Variants in SMYD3 observed in about 807,000 individuals in gnomAD.
SMYD3 encodes SET and MYND domain containing 3.
SMYD3 carries 36 observed loss-of-function variants against 57.7 expected under a neutral mutation model. That is an observed-to-expected ratio of 0.62 (90% confidence interval 0.48 to 0.82). The LOEUF is 0.82. SMYD3 is among the 40% of genes least tolerant of loss of function. The pLI is 0.00. For synonymous variants in SMYD3, 211 were observed against 195.0 expected (o/e 1.08, Z -0.68); for missense variants, 515 against 538.8 (o/e 0.96, Z 0.44).
At chr1:246,478,414 T>C (rs4654263) in intron 1 of SMYD3, among the ~76,000 whole-genome samples, 3,911 of 114,170 alleles carry the variant, frequency 0.034, 111 homozygotes, top group African/African-American at 0.08. Context: ...ACCTGTCCTC[T>C]GTCCTGGAGC....
At chr1:246,260,901 C>G (rs950689655) in intron 5 of SMYD3, among the ~76,000 whole-genome samples, 4 of 152,262 alleles carry the variant, frequency 2.6e-5, no homozygotes, top group South Asian at 2.1e-4. Flanking sequence ...ATAAAGGAAA[C>G]AGCTTGTAGA....
At chr1:246,143,322 C>T (rs540898281) in intron 5 of SMYD3, among the ~76,000 whole-genome samples, 127 of 152,294 alleles carry the variant, frequency 8.3e-4, no homozygotes, top group Non-Finnish European at 1.5e-3. Flanking sequence ...AGTGTCCTTG[C>T]AGTCTTGGGT....
chr1:246,449,512 G>A (rs572736356), intron 1 of SMYD3, among the ~76,000 whole-genome samples: 1 of 152,244 alleles, frequency 6.6e-6, no homozygotes, highest in South Asian at 2.1e-4. Context: ...GGAAGACCTG[G>A]GTTTGGAAAT....
At chr1:246,414,030 T>G (rs1179673163) in intron 1 of SMYD3, among the ~76,000 whole-genome samples, 1 of 152,236 alleles carries the variant, frequency 6.6e-6, no homozygotes, top group Non-Finnish European at 1.5e-5. Flanking sequence ...TTCCCCAAAA[T>G]TTCTGTCTGT....
intron 5 of SMYD3, among the ~76,000 whole-genome samples, chr1:246,212,559 T>A (rs2063106973): frequency 1.3e-5 from 2 of 151,556 alleles, no homozygotes; most frequent in East Asian, 3.9e-4. Context: ...TTTTTTGTAT[T>A]GACTGTCTAC....
intron 5 of SMYD3, among the ~76,000 whole-genome samples, chr1:246,243,676 A>G (rs866915361): frequency 2.0e-5 from 3 of 151,934 alleles, no homozygotes; most frequent in African/African-American, 7.2e-5. Flanking sequence ...GGCTAAATCT[A>G]TTCTATTTGT....
chr1:246,373,159 T>C (rs1017805553), intron 1 of SMYD3, among the ~76,000 whole-genome samples: 3 of 152,180 alleles, frequency 2.0e-5, no homozygotes, highest in Non-Finnish European at 4.4e-5. Context: ...CTTTAAATGA[T>C]ACGAATTGGG....
intron 5 of SMYD3, among the ~76,000 whole-genome samples, chr1:246,099,054 C>T (rs560015647): frequency 2.0e-4 from 30 of 152,272 alleles, no homozygotes; most frequent in Admixed American, 1.9e-3. Context: ...TTAAATAATG[C>T]TAGAGACCTA....
chr1:246,370,557 C>G (rs1298597606), intron 1 of SMYD3, among the ~76,000 whole-genome samples: 1 of 152,172 alleles, frequency 6.6e-6, no homozygotes, highest in South Asian at 2.1e-4. Flanking sequence ...GACTTACTCA[C>G]GGGACTGCAA....
At chr1:246,260,799 CTGAGGCATGCTACAAGCCTCT>C (rs2063993049) in intron 5 of SMYD3, among the ~76,000 whole-genome samples, 1 of 151,972 alleles carries the variant, frequency 6.6e-6, no homozygotes, top group East Asian at 1.9e-4. Context: ...TTCCAAGTGG[CTGAGGCATGCTACAAGCCTCT>C]TATCTGCCAT....
intron 5 of SMYD3, among the ~76,000 whole-genome samples, chr1:246,239,721 T>C (rs144070456): frequency 0.085 from 12,902 of 152,100 alleles, 741 homozygotes; most frequent in East Asian, 0.21. Context: ...TGTAAAAGTG[T>C]TCGTATTTCT....
chr1:245,926,970 T>C (rs983849233), intron 7 of SMYD3, among the ~76,000 whole-genome samples: 1 of 152,232 alleles, frequency 6.6e-6, no homozygotes, highest in Non-Finnish European at 1.5e-5. Context: ...GTATAAGAAG[T>C]GGCTCCTTCC....
chr1:245,924,360 C>T (rs576885002), intron 7 of SMYD3, among the ~76,000 whole-genome samples: 4 of 152,142 alleles, frequency 2.6e-5, no homozygotes, highest in Admixed American at 1.3e-4. Context: ...CTCAGCATTA[C>T]AATGGAGAGC....
intron 10 of SMYD3, among the ~76,000 whole-genome samples, chr1:245,810,583 G>A (rs941732743): frequency 6.6e-6 from 1 of 152,176 alleles, no homozygotes; most frequent in Non-Finnish European, 1.5e-5. Context: ...GGCAGGGTTT[G>A]GGGAGTGATT....
chr1:246,146,904 CTGCAGCAAACT>C (rs2061852054), intron 5 of SMYD3, among the ~76,000 whole-genome samples: 3 of 152,188 alleles, frequency 2.0e-5, no homozygotes, highest in Admixed American at 1.3e-4. Flanking sequence ...CGTCCAATCA[CTGCAGCAAACT>C]GACACAGGGG....
intron 5 of SMYD3, among the ~76,000 whole-genome samples, chr1:246,268,290 C>T (rs1254732379): frequency 6.6e-6 from 1 of 152,188 alleles, no homozygotes; most frequent in African/African-American, 2.4e-5. Context: ...GTCCTCACTG[C>T]TACACTCCCA....
intron 1 of SMYD3, among the ~76,000 whole-genome samples, chr1:246,406,346 A>C (rs1424155088): frequency 6.6e-6 from 1 of 152,266 alleles, no homozygotes; most frequent in Non-Finnish European, 1.5e-5. Flanking sequence ...GTTAGCTATT[A>C]ACTATTATTA....
At chr1:246,119,409 CTTTCTTTT>C (rs200385701) in intron 5 of SMYD3, among the ~76,000 whole-genome samples, 4,801 of 143,024 alleles carry the variant, frequency 0.034, 268 homozygotes, top group African/African-American at 0.12. Flanking sequence ...TCTTTTTGTT[CTTTCTTTT>C]TTTTTTTTTT....
intron 5 of SMYD3, among the ~76,000 whole-genome samples, chr1:246,180,319 T>C (rs1558293754): frequency 7.8e-6 from 1 of 127,962 alleles, no homozygotes; most frequent in Non-Finnish European, 1.6e-5. Context: ...TATAAACTAC[T>C]TATATATATA....
Sources: allele counts gnomAD v4.1 joint callset (sites outside exome capture counted in the v4.1 genomes callset), GRCh38; gene constraint gnomAD v4.1.1; transcripts MANE v1.5; gene names NCBI Gene and HGNC (gene_info 2026-07-23, HGNC 2026-07-21).